Variants in PI4KA observed in about 807,000 individuals in gnomAD.
PI4KA encodes the protein phosphatidylinositol 4-kinase alpha.
A neutral mutation model predicts 271.4 loss-of-function variants in PI4KA; 122 were observed. That is an observed-to-expected ratio of 0.45 (90% CI 0.39 to 0.52). PI4KA has a LOEUF of 0.52. Ranked by LOEUF, PI4KA falls within the 20% of genes least tolerant of loss-of-function variation. The probability of loss-of-function intolerance (pLI) is 0.00; values close to 1 mark genes in which losing one functional copy is unlikely to be tolerated. For missense variants in PI4KA, 1,969 were observed against 2,769.1 expected, an observed-to-expected ratio of 0.71 and a Z score of 6.48; for synonymous variants, 1,041 against 1,078.8, an observed-to-expected ratio of 0.96 and a Z score of 0.69.
At chr22:20,806,988 T>A (rs541798822) in intron 10 of PI4KA, among the ~76,000 whole-genome samples, 1 of 152,150 alleles carries the variant, frequency 6.6e-6, no homozygotes, top group African/African-American at 2.4e-5. Flanking sequence ...GCCCACCTTG[T>A]CCTCCCAAAG....
chr22:20,843,505 CA>C (rs947387756), intron 1 of PI4KA, among the ~76,000 whole-genome samples: 1 of 151,762 alleles, frequency 6.6e-6, no homozygotes, highest in African/African-American at 2.4e-5. Context: ...TATCTCCAAA[CA>C]AAAAAAGAAA....
intron 18 of PI4KA, among the ~76,000 whole-genome samples, chr22:20,795,789 A>T (rs1184226130): frequency 6.6e-6 from 1 of 152,066 alleles, no homozygotes; most frequent in Non-Finnish European, 1.5e-5. Flanking sequence ...TGTTCTGATG[A>T]TGGGCCCTTA....
Position 20,742,320 on chromosome 22 carries a change from C to G in PI4KA, c.3649G>C (p.Gly1217Arg), listed in dbSNP as rs1929555546. ...TGCTCATTGAACATCCGGAGGGGAC[C>G]CCAGCACAGATGATGAAGGAGCTGC... is the stretch of plus-strand genomic sequence containing the variant. ...DPQLLHHLCW[G>R]PLRMFNEHGM... Residue 1217 changes from glycine (G) to arginine (R), a missense_variant, in exon 32 of 55, where the codon GGT becomes CGT. Transcript: ENST00000255882. 1.9e-6 allele frequency: 3 copies of G among 1,614,186 alleles called. No homozygotes were observed. Among genetic ancestry groups the G allele is most frequent in the East Asian group, 2.2e-5 (1 of 44,888 alleles).
rs909613502 is a variant in PI4KA, at chr22:20,819,879, A to G, written c.551T>C (p.Ile184Thr). The G allele has an allele frequency of 7.4e-6, 12 of 1,613,876 alleles. No homozygotes were observed. The highest frequency in any genetic ancestry group is 2.2e-5 in the East Asian group (1 of 44,898). The change falls in exon 6 of 55, where the codon ATC (isoleucine) becomes ACC (threonine). Residue 184 changes from isoleucine to threonine, a missense_variant. Ile to Thr is a moderately conservative substitution (Grantham distance 89). This residue lies in a region of PI4KA where 540 missense variants were observed against 555.5 expected (regional missense o/e 0.97). Coordinates refer to ENST00000255882, the MANE Select transcript of PI4KA (RefSeq NM_058004.4). ...TCGCGAGATTCCTATCAGGCATGGG[A>G]TAGCATACTTGCAAAGGTATTCTAG... ...QDKEYLCKYA[I>T]PCLIGISRAF... is the part of the protein sequence containing the mutation.
Position 20,765,666 on chromosome 22 carries a change from C to A in PI4KA, c.2356G>T (p.Glu786Ter). The A allele has an allele frequency of 6.2e-7, 1 of 1,611,354 alleles. No individual in the cohort carries two copies. The highest frequency in any genetic ancestry group is 8.5e-7 in the Non-Finnish European group (1 of 1,177,732). ...AGCTTCTGTAACCGAGGCTTAGCTT[C>A]TTTGATGGGTGGCAGTCGTCGGGTG... ...VLTRRLPPIK[E>*]AKPRLQKLFR... The change falls in exon 20 of 55, where the codon GAA becomes TAA. Residue 786 changes from glutamate to a stop codon, truncating the protein, a stop_gained. Transcript: ENST00000255882. LOFTEE classifies it high-confidence loss of function.
At chr22:20,843,412 G>A (rs927818826) in intron 1 of PI4KA, among the ~76,000 whole-genome samples, 1 of 125,640 alleles carries the variant, frequency 8.0e-6, no homozygotes, top group African/African-American at 3.3e-5. Flanking sequence ...ATTGCTAGAG[G>A]ATCGCTTGAG....
chr22:20,798,758 G>A (rs1301024630), intron 16 of PI4KA, 71 bp from the exon 17 acceptor site: 2 of 1,008,798 alleles, frequency 2.0e-6, no homozygotes, highest in Non-Finnish European at 3.2e-6. Context: ...ATCACCTAGA[G>A]AGAAAGCTCT....
chr22:20,827,840 G>A lies in PI4KA; in HGVS notation c.368-3426C>T, dbSNP rs28820915. 4.5e-3 allele frequency among the ~76,000 whole-genome samples: 690 copies of A among 152,196 alleles called. 5 individuals are homozygous for A. Among genetic ancestry groups the A allele is most frequent in the African/African-American group, 0.016 (662 of 41,504 alleles). The stretch of plus-strand genomic sequence containing the variant: ...GATGGAGTCTCACTCTGTCGCCCAG[G>A]CTGGAGGGCAGTGGCACAATCGCGG... On this transcript the variant is annotated intron_variant, in intron 3 of 54. Coordinates refer to ENST00000255882, the MANE Select transcript of PI4KA (RefSeq NM_058004.4).
In PI4KA at chr22:20,790,699, A is replaced by AACACAC. The variant is rs362174; in HGVS notation, c.2328+2488_2328+2493dup. ...AAAATAAAAAAATTTAAAAAAAACAAACACACACACACACACACACACACA... is the reference window on the plus strand; with the variant it reads ...AAAATAAAAAAATTTAAAAAAAACAAACACACACACACACACACACACACACACACA... On this transcript the variant is annotated intron_variant, in intron 19 of 54. Transcript: ENST00000255882. 4.6e-3 allele frequency among the ~76,000 whole-genome samples: 645 copies of AACACAC among 139,382 alleles called. 2 individuals are homozygous for AACACAC. The highest frequency in any genetic ancestry group is 7.5e-3 in the Admixed American group (103 of 13,788). The allele number at this position is 139,382 out of a possible 152,430, so 91.4% of individuals were successfully genotyped here.
At chr22:20,796,028 C>T in intron 18 of PI4KA, 118 bp downstream of exon 18, 1 of 921,928 alleles carries the variant, frequency 1.1e-6, no homozygotes, top group Non-Finnish European at 1.7e-6. Context: ...ATTCCAGGCA[C>T]ATTTAAATCA....
chr22:20,816,809 C>T (rs1262479061), intron 7 of PI4KA, among the ~76,000 whole-genome samples: 2 of 152,156 alleles, frequency 1.3e-5, no homozygotes, highest in South Asian at 2.1e-4. Context: ...GTGGGGATCT[C>T]GCAGTCAGCC....
chr22:20,856,731 T>C (rs178065), intron 1 of PI4KA, among the ~76,000 whole-genome samples: 84,507 of 152,094 alleles, frequency 0.56, 25,533 homozygotes, highest in African/African-American at 0.8. Context: ...CCGTGCCCCA[T>C]CATAAAATAT....
intron 19 of PI4KA, among the ~76,000 whole-genome samples, chr22:20,767,791 T>G (rs962179315): frequency 6.6e-6 from 1 of 151,896 alleles, no homozygotes; most frequent in African/African-American, 2.4e-5. Flanking sequence ...TGCACCACTA[T>G]GCTCAGCTAA....
intron 3 of PI4KA, among the ~76,000 whole-genome samples, chr22:20,830,048 T>C (rs1042810734): frequency 4.6e-5 from 7 of 152,220 alleles, no homozygotes; most frequent in Admixed American, 1.3e-4. Context: ...GCTTGTTTTA[T>C]GTCTTATAGT....
At chr22:20,750,376 T>G (rs1225721352) in intron 27 of PI4KA, among the ~76,000 whole-genome samples, 1 of 152,178 alleles carries the variant, frequency 6.6e-6, no homozygotes, top group African/African-American at 2.4e-5. Context: ...ACACTTTGAT[T>G]TTACACTTCG....
At position 20,742,610 on chromosome 22, in the gene PI4KA, T is replaced by C. The variant is rs1299177687; in HGVS notation, c.3611A>G (p.Lys1204Arg). 1 of 1,614,148 alleles carries C rather than the reference T, an allele frequency of 6.2e-7. No homozygotes were observed. Among genetic ancestry groups the C allele is most frequent in the Non-Finnish European group, 8.5e-7 (1 of 1,180,006 alleles). ...FKLTAMLISS[K>R]DCDPQLLHHL... ...TCCACAGTGCTTCAGTGAGTTACCT[T>C]TACTGCTAATGAGCATTGCGGTCAG... Residue 1204 changes from lysine to arginine, a missense_variant and splice_region_variant, in exon 31 of 55, where the codon AAA (lysine) becomes AGA (arginine). By Grantham distance (26) the Lys-to-Arg change is conservative. This residue lies in a region of PI4KA where 203 missense variants were observed against 256.8 expected (regional missense o/e 0.79). Transcript: ENST00000255882.
chr22:20,839,171 C>A (rs564726635), intron 1 of PI4KA, among the ~76,000 whole-genome samples: 15 of 152,124 alleles, frequency 9.9e-5, no homozygotes, highest in African/African-American at 3.4e-4. Context: ...GAGCCAAGAT[C>A]GTGCCACTGC....
chr22:20,838,750 C>A lies in PI4KA; in HGVS notation c.157-19G>T. ...TTTGGACCTAGAAAATGAGACCCCC[C>A]CAAAAACAGCTCTACAAAATAGAAA... On this transcript the variant is annotated intron_variant, in intron 1 of 54. Coordinates refer to ENST00000255882, the MANE Select transcript of PI4KA (RefSeq NM_058004.4). 1 of 1,384,580 alleles carries A rather than the reference C, an allele frequency of 7.2e-7. No individual in the cohort carries two copies. The highest frequency in any genetic ancestry group is 1.0e-6 in the Non-Finnish European group (1 of 975,144). The allele number at this position is 1,384,580 out of a possible 1,614,324, so 85.8% of individuals were successfully genotyped here.
intron 50 of PI4KA, 61 bp from the exon 51 acceptor site, chr22:20,711,522 C>A: frequency 8.9e-7 from 1 of 1,117,468 alleles, no homozygotes; most frequent in South Asian, 1.4e-5. Context: ...TCTCCCTGGT[C>A]CCACACCCAG....
Sources: allele counts gnomAD v4.1 joint callset (sites outside exome capture counted in the v4.1 genomes callset), GRCh38; gene constraint gnomAD v4.1.1; regional missense constraint gnomAD v4.1.1; transcripts MANE v1.5; gene names NCBI Gene and HGNC (gene_info 2026-07-23, HGNC 2026-07-21).